GNAL: variants seen among roughly 807,000 people sequenced by gnomAD.
The protein encoded by GNAL is guanine nucleotide-binding protein G(olf) subunit alpha.
GNAL carries 18 observed loss-of-function variants against 55.1 expected under a neutral mutation model. The observed-to-expected ratio is 0.33, with a 90% CI of 0.23 to 0.48. The LOEUF (loss-of-function observed/expected upper bound fraction) is 0.48. GNAL is among the 20% of genes least tolerant of loss of function. The probability of loss-of-function intolerance (pLI) is 0.99; values close to 1 mark genes in which losing one functional copy is unlikely to be tolerated. For synonymous variants in GNAL, 253 were observed against 237.0 expected (o/e 1.07, Z -0.62); for missense variants, 412 against 614.1 (o/e 0.67, Z 3.48).
intron 1 of GNAL, among the ~76,000 whole-genome samples, chr18:11,708,073 C>T (rs957293158): frequency 6.6e-6 from 1 of 152,192 alleles, no homozygotes; most frequent in Non-Finnish European, 1.5e-5. Context: ...TTCACTTTCT[C>T]GTTAGTGTGT....
rs1335384174 is a variant in GNAL at position 11,865,259 on chromosome 18, C to G, written c.851+653C>G. On this transcript the variant is annotated intron_variant, in intron 7 of 11. Coordinates refer to ENST00000334049, the MANE Select transcript of GNAL (RefSeq NM_182978.4). The stretch of plus-strand genomic sequence containing the variant: ...TTCGGGGCTCACTACTGCTTGTGCA[C>G]CGTATGACCCAAGCCCTCTGCCTAT... Among the ~76,000 whole-genome samples, 16 of 149,482 alleles carry G rather than the reference C, an allele frequency of 1.1e-4. 1 individual carries two copies. Among genetic ancestry groups the G allele is most frequent in the Admixed American group, 1.1e-3 (16 of 15,140 alleles).
intron 4 of GNAL, among the ~76,000 whole-genome samples, chr18:11,776,109 C>G (rs1349177390): frequency 6.6e-6 from 1 of 152,228 alleles, no homozygotes; most frequent in Non-Finnish European, 1.5e-5. Flanking sequence ...CTCCAGAGCG[C>G]CTCTTTGCTC....
chr18:11,870,323 C>G (rs944386136), intron 9 of GNAL, among the ~76,000 whole-genome samples: 3 of 152,136 alleles, frequency 2.0e-5, no homozygotes, highest in Non-Finnish European at 2.9e-5. Flanking sequence ...GAGTTCGAGA[C>G]CAACCTGGCC....
chr18:11,862,134 C>T (rs2586217), intron 5 of GNAL, among the ~76,000 whole-genome samples: 1 of 151,610 alleles, frequency 6.6e-6, no homozygotes, highest in Non-Finnish European at 1.5e-5. Context: ...CCACCCCCAG[C>T]GCTGTGGCAG....
At chr18:11,781,377 G>T (rs2033920549) in intron 4 of GNAL, among the ~76,000 whole-genome samples, 1 of 152,016 alleles carries the variant, frequency 6.6e-6, no homozygotes, top group East Asian at 1.9e-4. Context: ...TGAAAATATA[G>T]AATTTCTGTA....
intron 5 of GNAL, among the ~76,000 whole-genome samples, chr18:11,836,218 G>A (rs1313373799): frequency 3.3e-5 from 5 of 152,028 alleles, no homozygotes; most frequent in African/African-American, 4.8e-5. Flanking sequence ...AGGCCGAGGT[G>A]GGCGGATCCC....
chr18:11,783,422 A>T (rs1379694190), intron 4 of GNAL, among the ~76,000 whole-genome samples: 1 of 152,252 alleles, frequency 6.6e-6, no homozygotes, highest in East Asian at 1.9e-4. Context: ...AATACTCTAT[A>T]TTAGCTAATC....
At chr18:11,714,852 A>G (rs143991941) in intron 1 of GNAL, among the ~76,000 whole-genome samples, 301 of 152,192 alleles carry the variant, frequency 2.0e-3, no homozygotes, top group African/African-American at 7.0e-3. Flanking sequence ...TTTTCCTTTC[A>G]CATTAAGGAT....
chr18:11,884,957 C>A lies in GNAL; in HGVS notation c.*3822C>A. 1 of 1,290,594 alleles carries A rather than the reference C, an allele frequency of 7.7e-7. No individual in the cohort carries two copies. The highest frequency in any genetic ancestry group is 1.5e-5 in the African/African-American group (1 of 65,750). The allele number at this position is 1,290,594 out of a possible 1,614,324, so 79.9% of individuals were successfully genotyped here. A position where few individuals can be genotyped will look rare whatever the true frequency, so the allele number is the denominator to read the frequency against. ...CCATAACAGAGATTCAGAGAGGCAC[C>A]GTGGAGTTCCAGGGTCATCGGTCAG... On this transcript the variant is annotated 3_prime_UTR_variant, in exon 12 of 12. Coordinates refer to ENST00000334049, the MANE Select transcript of GNAL (RefSeq NM_182978.4).
At chr18:11,695,090 G>A (rs1391802439) in intron 1 of GNAL, among the ~76,000 whole-genome samples, 2 of 152,136 alleles carry the variant, frequency 1.3e-5, no homozygotes, top group Non-Finnish European at 2.9e-5. Context: ...AGGGGGATGG[G>A]AAGCACAATT....
intron 4 of GNAL, among the ~76,000 whole-genome samples, chr18:11,783,574 C>A (rs1311864908): frequency 6.6e-6 from 1 of 152,076 alleles, no homozygotes; most frequent in Non-Finnish European, 1.5e-5. Flanking sequence ...CAGCACTGAC[C>A]AAACATAGAA....
At chr18:11,694,149 C>A (rs1461183391) in intron 1 of GNAL, among the ~76,000 whole-genome samples, 2 of 152,168 alleles carry the variant, frequency 1.3e-5, no homozygotes, top group Non-Finnish European at 2.9e-5. Context: ...TGTGTCCAGT[C>A]AAGTGCCCTT....
In GNAL at chr18:11,689,931, T is replaced by A; in HGVS notation, c.368T>A (p.Leu123Gln). 1 of 1,385,864 alleles carries A rather than the reference T, an allele frequency of 7.2e-7. No individual in the cohort carries two copies. The highest frequency in any genetic ancestry group is 1.5e-5 in the African/African-American group (1 of 65,160). 85.8% of individuals were successfully genotyped at this position (1,385,864 alleles called of 1,614,324 possible). The part of the protein sequence containing the change: ...KRDLQQTHRL[L>Q]LLGAGESGKS... ...GACCTGCAGCAGACGCACCGGCTCC[T>A]GCTGCTCGGTAGGTCCCGGCCGCGA... is the stretch of plus-strand genomic sequence containing the variant. The change falls in exon 1 of 12, where the codon CTG (leucine) becomes CAG (glutamine). Residue 123 changes from leucine to glutamine, a missense_variant. Transcript: ENST00000334049.
intron 4 of GNAL, among the ~76,000 whole-genome samples, chr18:11,776,707 C>CA (rs33937288): frequency 0.023 from 1,627 of 71,172 alleles, 25 homozygotes; most frequent in Non-Finnish European, 0.031. Context: ...GATCCTGCCT[C>CA]AAAAAAAAAA....
At chr18:11,771,787 T>C (rs9676123) in intron 4 of GNAL, among the ~76,000 whole-genome samples, 18,564 of 152,194 alleles carry the variant, frequency 0.12, 1,438 homozygotes, top group African/African-American at 0.22. Flanking sequence ...CGATCTCAGC[T>C]CACTGCAACC....
intron 4 of GNAL, among the ~76,000 whole-genome samples, chr18:11,762,670 C>T (rs910719905): frequency 2.0e-5 from 3 of 152,178 alleles, no homozygotes; most frequent in African/African-American, 4.8e-5. Flanking sequence ...GAGAGTCCTG[C>T]GAGCCTGGCC....
intron 5 of GNAL, among the ~76,000 whole-genome samples, chr18:11,847,629 A>G (rs2035768674): frequency 6.6e-6 from 1 of 152,154 alleles, no homozygotes; most frequent in Admixed American, 6.5e-5. Flanking sequence ...ACTTTAATCA[A>G]AAATTTCTTT....
intron 7 of GNAL, 129 bp from the exon 8 acceptor site, chr18:11,867,039 T>C: frequency 1.4e-6 from 1 of 730,512 alleles, no homozygotes; most frequent in South Asian, 1.5e-5. Flanking sequence ...TGCAGGCCAG[T>C]GACCCGAGCT....
At chr18:11,817,328 C>CT (rs1568040367) in intron 4 of GNAL, among the ~76,000 whole-genome samples, 2 of 152,260 alleles carry the variant, frequency 1.3e-5, no homozygotes, top group Non-Finnish European at 2.9e-5. Flanking sequence ...GTTAAGTGAA[C>CT]TTAAGCAGTT....
Sources: allele counts gnomAD v4.1 joint callset (sites outside exome capture counted in the v4.1 genomes callset), GRCh38; gene constraint gnomAD v4.1.1; transcripts MANE v1.5; gene names NCBI Gene and HGNC (gene_info 2026-07-23, HGNC 2026-07-21).